NEK7: variants seen among roughly 807,000 people sequenced by gnomAD.
NEK7 encodes the protein serine/threonine-protein kinase Nek7.
Under a neutral mutation model 44.6 loss-of-function variants are expected in NEK7, and 18 were observed. That is an observed-to-expected ratio of 0.40 (90% CI 0.28 to 0.60). The LOEUF (loss-of-function observed/expected upper bound fraction) is 0.60, where lower values mean the gene tolerates loss of function less well. NEK7 is among the 20% of genes least tolerant of loss of function. The pLI is 0.38. For synonymous variants in NEK7, 130 were observed against 121.1 expected (o/e 1.07, Z -0.48); for missense variants, 256 against 366.5 (o/e 0.70, Z 2.46).
chr1:198,306,185 C>T (rs12409564), intron 9 of NEK7, among the ~76,000 whole-genome samples: 12,544 of 149,934 alleles, frequency 0.084, 683 homozygotes, highest in East Asian at 0.19. Flanking sequence ...ATAAATATTA[C>T]GTATTAGCTT....
At chr1:198,274,056 G>T (rs1653936303) in intron 5 of NEK7, among the ~76,000 whole-genome samples, 1 of 150,754 alleles carries the variant, frequency 6.6e-6, no homozygotes, top group South Asian at 2.1e-4. Flanking sequence ...TTAAACATTT[G>T]ACAACACTCC....
rs773099037 is a variant in NEK7, at chr1:198,321,774, A to C, written c.*2252A>C. The C allele has an allele frequency of 6.6e-6, 1 of 152,180 alleles. No homozygotes were observed. Among genetic ancestry groups the C allele is most frequent in the Non-Finnish European group, 1.5e-5 (1 of 67,980 alleles). The allele number at this position is 152,180 out of a possible 1,614,324, so 9.4% of individuals were successfully genotyped here. A position where few individuals can be genotyped will look rare whatever the true frequency, so the allele number is the denominator to read the frequency against. On this transcript the variant is annotated 3_prime_UTR_variant, in exon 10 of 10. Coordinates refer to ENST00000367385, the MANE Select transcript of NEK7 (RefSeq NM_133494.3). ...GGAATAATTTCAAAGAACTATGAAG[A>C]TGATTTGAAGCTCTAATTTATATAG...
chr1:198,211,339 C>CATCTGATGAAGAA, intron 1 of NEK7, among the ~76,000 whole-genome samples: 2 of 152,250 alleles, frequency 1.3e-5, no homozygotes, highest in South Asian at 4.1e-4. Flanking sequence ...ATGAAGAATA[C>CATCTGATGAAGAA]TACAGTTATC....
chr1:198,283,359 C>G (rs1457202490), intron 7 of NEK7, among the ~76,000 whole-genome samples: 1 of 151,980 alleles, frequency 6.6e-6, no homozygotes, highest in Non-Finnish European at 1.5e-5. Context: ...CTCAGAGTAC[C>G]CTTAGTATGT....
intron 9 of NEK7, among the ~76,000 whole-genome samples, chr1:198,314,762 G>T (rs1393149580): frequency 2.0e-5 from 3 of 152,198 alleles, no homozygotes; most frequent in Non-Finnish European, 4.4e-5. Flanking sequence ...AGGGGTCAGA[G>T]ACCCACTTGA....
chr1:198,290,987 C>T (rs1654535345), intron 7 of NEK7, among the ~76,000 whole-genome samples: 2 of 152,122 alleles, frequency 1.3e-5, no homozygotes, highest in African/African-American at 4.8e-5. Flanking sequence ...CCTCTGCTCC[C>T]TTCACTTGGG....
chr1:198,259,773 T>C (rs564669330), intron 3 of NEK7, among the ~76,000 whole-genome samples: 22 of 152,096 alleles, frequency 1.4e-4, no homozygotes, highest in Admixed American at 3.9e-4. Context: ...GTAAAGCTTA[T>C]TCCTTCAGTT....
At chr1:198,209,008 C>G (rs1239045141) in intron 1 of NEK7, among the ~76,000 whole-genome samples, 1 of 150,100 alleles carries the variant, frequency 6.7e-6, no homozygotes, top group African/African-American at 2.5e-5. Flanking sequence ...CATTAGCTCT[C>G]TGATGCATTA....
At chr1:198,213,574 A>C (rs1665837872) in intron 1 of NEK7, among the ~76,000 whole-genome samples, 1 of 152,202 alleles carries the variant, frequency 6.6e-6, no homozygotes, top group South Asian at 2.1e-4. Context: ...TATGAGAGAT[A>C]GAGTCACAAC....
intron 1 of NEK7, among the ~76,000 whole-genome samples, chr1:198,198,453 G>A (rs142359528): frequency 6.6e-6 from 1 of 152,190 alleles, no homozygotes; most frequent in African/African-American, 2.4e-5. Flanking sequence ...AGGAGGAGTG[G>A]GCCTCTTCTG....
At chr1:198,291,296 G>A (rs1654549015) in intron 7 of NEK7, among the ~76,000 whole-genome samples, 1 of 152,162 alleles carries the variant, frequency 6.6e-6, no homozygotes, top group Admixed American at 6.5e-5. Context: ...AGCAGAGCCT[G>A]TTTATTATTC....
chr1:198,204,584 T>G (rs1665533974), intron 1 of NEK7, among the ~76,000 whole-genome samples: 1 of 150,934 alleles, frequency 6.6e-6, no homozygotes, highest in African/African-American at 2.4e-5. Context: ...CCGGGCAAGG[T>G]GGTGGGCGCC....
intron 1 of NEK7, among the ~76,000 whole-genome samples, chr1:198,215,667 C>T (rs141549064): frequency 0.012 from 1,866 of 151,874 alleles, 12 homozygotes; most frequent in Non-Finnish European, 0.02. Context: ...AGGAGACACA[C>T]CTAACACGTG....
chr1:198,263,703 CTAGGACCAACCATAACTTCCAAG>C (rs1446190590), intron 4 of NEK7, among the ~76,000 whole-genome samples: 1 of 151,830 alleles, frequency 6.6e-6, no homozygotes, highest in Non-Finnish European at 1.5e-5. Context: ...TGGAGTTATT[CTAGGACCAACCATAACTTCCAAG>C]TAGGAGTAAA....
At chr1:198,191,649 G>A (rs763945024) in intron 1 of NEK7, among the ~76,000 whole-genome samples, 4 of 151,616 alleles carry the variant, frequency 2.6e-5, no homozygotes, top group African/African-American at 4.8e-5. Context: ...TTTGTTAGTC[G>A]TTTTTTTATA....
At chr1:198,268,653 G>A (rs1487083166) in intron 5 of NEK7, among the ~76,000 whole-genome samples, 2 of 152,096 alleles carry the variant, frequency 1.3e-5, no homozygotes, top group Non-Finnish European at 2.9e-5. Context: ...CATCTTTCTA[G>A]GTTTTCACTT....
At chr1:198,176,821 G>A (rs934343908) in intron 1 of NEK7, among the ~76,000 whole-genome samples, 1 of 152,024 alleles carries the variant, frequency 6.6e-6, no homozygotes, top group Non-Finnish European at 1.5e-5. Context: ...AATGTAGGGG[G>A]TGACTGGATG....
intron 9 of NEK7, among the ~76,000 whole-genome samples, chr1:198,304,919 T>G (rs1654982014): frequency 6.6e-6 from 1 of 152,170 alleles, no homozygotes; most frequent in African/African-American, 2.4e-5. Flanking sequence ...TTTAAATTTT[T>G]GTGAAGCATC....
chr1:198,279,686 A>G (rs1481926179), intron 7 of NEK7, among the ~76,000 whole-genome samples: 2 of 150,536 alleles, frequency 1.3e-5, no homozygotes, highest in African/African-American at 4.9e-5. Context: ...TCATAATTTC[A>G]TAGAAAGCCT....
Sources: allele counts gnomAD v4.1 joint callset (sites outside exome capture counted in the v4.1 genomes callset), GRCh38; gene constraint gnomAD v4.1.1; transcripts MANE v1.5; gene names NCBI Gene and HGNC (gene_info 2026-07-23, HGNC 2026-07-21).